The following ARHGAP26 variants were observed in gnomAD, a reference collection of about 807,000 sequenced individuals.
ARHGAP26 encodes the protein Rho GTPase activating protein 26, also known as rho GTPase-activating protein 26.
Under a neutral mutation model 104.8 loss-of-function variants are expected in ARHGAP26, and 38 were observed. The ratio of observed to expected loss-of-function variants is 0.36; its 90% CI spans 0.28 to 0.48. ARHGAP26 has a LOEUF of 0.48. Ranked by LOEUF, ARHGAP26 falls within the 20% of genes least tolerant of loss-of-function variation. The pLI is 0.99. For missense variants in ARHGAP26, 704 were observed against 947.9 expected (o/e 0.74, Z 3.38); for synonymous variants, 341 against 340.0 (o/e 1.00, Z -0.03).
chr5:142,771,658 T>C (rs1755236506), intron 1 of ARHGAP26, among the ~76,000 whole-genome samples: 1 of 152,176 alleles, frequency 6.6e-6, no homozygotes, highest in South Asian at 2.1e-4. Context: ...GCTCCCAAGC[T>C]CTCCTTTTTA....
At chr5:143,184,349 T>TA (rs1194553750) in intron 20 of ARHGAP26, among the ~76,000 whole-genome samples, 1 of 152,116 alleles carries the variant, frequency 6.6e-6, no homozygotes, top group Non-Finnish European at 1.5e-5. Context: ...GTCTCTCCCG[T>TA]AAAAACATGT....
chr5:143,150,247 A>G (rs188134004), intron 20 of ARHGAP26, among the ~76,000 whole-genome samples: 26 of 152,322 alleles, frequency 1.7e-4, no homozygotes, highest in African/African-American at 6.0e-4. Context: ...GGCTGAACCT[A>G]TTTTATGCCC....
chr5:142,802,107 A>G (rs967117789), intron 1 of ARHGAP26, among the ~76,000 whole-genome samples: 5 of 152,240 alleles, frequency 3.3e-5, no homozygotes, highest in African/African-American at 1.2e-4. Flanking sequence ...TGAATGAGGT[A>G]TTTGTTTACA....
At chr5:142,891,288 T>C (rs934823726) in intron 5 of ARHGAP26, among the ~76,000 whole-genome samples, 1 of 151,888 alleles carries the variant, frequency 6.6e-6, no homozygotes, top group Non-Finnish European at 1.5e-5. Flanking sequence ...TGCTCAGATA[T>C]CTCCTTTCCC....
chr5:142,916,632 A>AAAAC (rs1762523081), intron 10 of ARHGAP26, among the ~76,000 whole-genome samples: 1 of 152,104 alleles, frequency 6.6e-6, no homozygotes, highest in Non-Finnish European at 1.5e-5. Flanking sequence ...CAAAACAAAA[A>AAAAC]AAAATTCAGG....
At chr5:142,817,111 C>G (rs1270788479) in intron 1 of ARHGAP26, among the ~76,000 whole-genome samples, 1 of 152,062 alleles carries the variant, frequency 6.6e-6, no homozygotes, top group African/African-American at 2.4e-5. Context: ...AATTAAGGAA[C>G]TGGAAAACAC....
intron 12 of ARHGAP26, among the ~76,000 whole-genome samples, chr5:143,033,233 A>C (rs1782148044): frequency 6.6e-6 from 1 of 152,228 alleles, no homozygotes; most frequent in African/African-American, 2.4e-5. Context: ...TGTAAGACTT[A>C]ATTCCAAGAA....
chr5:142,890,241 G>A (rs1758467650), intron 5 of ARHGAP26, among the ~76,000 whole-genome samples: 1 of 134,040 alleles, frequency 7.5e-6, no homozygotes, highest in African/African-American at 2.7e-5. Context: ...TGTTTATTGA[G>A]TCATAATATA....
At chr5:142,891,076 G>T (rs1758591163) in intron 5 of ARHGAP26, among the ~76,000 whole-genome samples, 1 of 151,938 alleles carries the variant, frequency 6.6e-6, no homozygotes, top group Admixed American at 6.5e-5. Flanking sequence ...GGGTGGTTGG[G>T]AGTAGATGCA....
intron 1 of ARHGAP26, among the ~76,000 whole-genome samples, chr5:142,780,387 A>G (rs772338072): frequency 2.0e-5 from 3 of 152,240 alleles, no homozygotes; most frequent in Non-Finnish European, 4.4e-5. Context: ...AAGGGTATGT[A>G]CATTTTTCAT....
intron 6 of ARHGAP26, among the ~76,000 whole-genome samples, chr5:142,895,349 GC>G (rs1001172482): frequency 1.3e-5 from 2 of 151,918 alleles, no homozygotes; most frequent in African/African-American, 4.8e-5. Flanking sequence ...TCCTGCCTCA[GC>G]CTCCTCAGTA....
intron 20 of ARHGAP26, among the ~76,000 whole-genome samples, chr5:143,175,192 A>G (rs1237815888): frequency 6.6e-6 from 1 of 152,238 alleles, no homozygotes; most frequent in Admixed American, 6.5e-5. Flanking sequence ...AAGTGGTGGT[A>G]TTATTTTAAC....
intron 6 of ARHGAP26, among the ~76,000 whole-genome samples, chr5:142,899,665 T>G (rs534865319): frequency 6.6e-6 from 1 of 151,718 alleles, no homozygotes; most frequent in Non-Finnish European, 1.5e-5. Context: ...CCCTGAGGAG[T>G]GGACTTTCAT....
chr5:142,887,943 C>T (rs747269301), intron 5 of ARHGAP26, among the ~76,000 whole-genome samples: 10 of 151,660 alleles, frequency 6.6e-5, no homozygotes, highest in South Asian at 2.1e-4. Context: ...CCAGCCTGGG[C>T]GACAGAGTGA....
chr5:142,838,849 C>T (rs1770145362), intron 1 of ARHGAP26, among the ~76,000 whole-genome samples: 1 of 152,148 alleles, frequency 6.6e-6, no homozygotes, highest in African/African-American at 2.4e-5. Flanking sequence ...TAAGTGACCA[C>T]GTCAAAGCTG....
In ARHGAP26 at chr5:143,113,590, C is replaced by G. The variant is rs1202583148; in HGVS notation, c.1539-7398C>G. ...AGGAACCGGCTCTGACTGTGCCAGCCAGCTATAAATGGAATGCCATCATAT... is the reference window on the plus strand; with the variant it reads ...AGGAACCGGCTCTGACTGTGCCAGCGAGCTATAAATGGAATGCCATCATAT... On this transcript the variant is annotated intron_variant, in intron 17 of 22. Coordinates refer to ENST00000645722, the MANE Select transcript of ARHGAP26 (RefSeq NM_001135608.3). 2.0e-5 allele frequency among the ~76,000 whole-genome samples: 3 copies of G among 152,194 alleles called. No homozygotes were observed. The East Asian group carries it at 5.8e-4, about 29-fold the overall frequency.
At chr5:143,102,101 G>A (rs1793334497) in intron 17 of ARHGAP26, among the ~76,000 whole-genome samples, 1 of 152,128 alleles carries the variant, frequency 6.6e-6, no homozygotes, top group Non-Finnish European at 1.5e-5. Context: ...TAGGTTGGTG[G>A]TGGTTTTGTT....
chr5:143,213,177 A>G (rs773332493), intron 21 of ARHGAP26, among the ~76,000 whole-genome samples: 6 of 152,202 alleles, frequency 3.9e-5, no homozygotes, highest in Non-Finnish European at 8.8e-5. Context: ...ATGCCTGTAT[A>G]ATATCTGCAT....
chr5:142,915,846 GA>G (rs1263850682), intron 10 of ARHGAP26, among the ~76,000 whole-genome samples: 7 of 152,158 alleles, frequency 4.6e-5, no homozygotes, highest in Admixed American at 6.5e-5. Flanking sequence ...GGTAGAGAAG[GA>G]AAAGGCATTT....
Sources: gnomAD v4.1 joint callset for allele counts (sites outside exome capture counted in the v4.1 genomes callset) on GRCh38, gnomAD v4.1.1 for gene constraint, MANE v1.5 for transcripts, NCBI Gene and HGNC (gene_info 2026-07-23, HGNC 2026-07-21) for gene names.